OPCML: variants seen among roughly 807,000 people sequenced by gnomAD.
OPCML encodes opioid binding protein/cell adhesion molecule like, also known as opioid-binding protein/cell adhesion molecule.
In OPCML, 13 loss-of-function variants were observed where a neutral mutation model predicts 37.8. That is an observed-to-expected ratio of 0.34 (90% CI 0.22 to 0.55). The LOEUF is 0.55. OPCML is among the 20% of genes least tolerant of loss of function. The pLI is 0.91. For synonymous variants in OPCML, 176 were observed against 168.8 expected (o/e 1.04, Z -0.33); for missense variants, 341 against 435.6 (o/e 0.78, Z 1.93).
chr11:133,063,187 T>C (rs1037418756), intron 1 of OPCML, among the ~76,000 whole-genome samples: 1 of 152,226 alleles, frequency 6.6e-6, no homozygotes, highest in Non-Finnish European at 1.5e-5. Flanking sequence ...CTATAAGAGT[T>C]ACCCAGAGTG....
At chr11:132,524,912 G>A (rs1234818842) in intron 4 of OPCML, among the ~76,000 whole-genome samples, 1 of 152,142 alleles carries the variant, frequency 6.6e-6, no homozygotes, top group East Asian at 1.9e-4. Context: ...GAAAAGCAAA[G>A]TTACTTCAAA....
chr11:133,517,047 C>T (rs1198851744), intron 1 of OPCML, among the ~76,000 whole-genome samples: 1 of 152,108 alleles, frequency 6.6e-6, no homozygotes, highest in Non-Finnish European at 1.5e-5. Context: ...AGAGCCAAGC[C>T]ATTAGACGCA....
At chr11:133,119,286 T>C (rs1403449972) in intron 1 of OPCML, among the ~76,000 whole-genome samples, 1 of 152,098 alleles carries the variant, frequency 6.6e-6, no homozygotes, top group Non-Finnish European at 1.5e-5. Flanking sequence ...CTATATCACT[T>C]ATCTATGTAT....
chr11:133,368,202 A>C (rs115651507), intron 1 of OPCML, among the ~76,000 whole-genome samples: 1 of 146,864 alleles, frequency 6.8e-6, no homozygotes, highest in African/African-American at 2.5e-5. Flanking sequence ...AGGGAAAGGT[A>C]GAAGGAGGAA....
chr11:132,416,408 A>G lies in OPCML; in HGVS notation c.*3785T>C, dbSNP rs1246220032. The G allele has an allele frequency of 6.6e-6, 1 of 152,216 alleles. No individual in the cohort carries two copies. Among genetic ancestry groups the G allele is most frequent in the African/African-American group, 2.4e-5 (1 of 41,450 alleles). 9.4% of individuals were successfully genotyped at this position (152,216 alleles called of 1,614,324 possible). A position where few individuals can be genotyped will look rare whatever the true frequency, so the allele number is the denominator to read the frequency against. Reference sequence around the variant, plus strand: ...AGCCACTCCTGATGCCGCCACAGGGATAAGCTCTCGTCGGGGTTGCCTGCC... The same window carrying G: ...AGCCACTCCTGATGCCGCCACAGGGGTAAGCTCTCGTCGGGGTTGCCTGCC... On this transcript the variant is annotated 3_prime_UTR_variant, in exon 8 of 8. Coordinates refer to ENST00000524381, the MANE Select transcript of OPCML (RefSeq NM_001012393.5).
intron 2 of OPCML, among the ~76,000 whole-genome samples, chr11:132,913,963 G>T (rs1944517895): frequency 6.6e-6 from 1 of 152,162 alleles, no homozygotes; most frequent in Non-Finnish European, 1.5e-5. Flanking sequence ...TTTCTGTGTT[G>T]CTATTGGCAT....
chr11:133,007,811 G>T, intron 1 of OPCML: 1 of 985,392 alleles, frequency 1.0e-6, no homozygotes. Flanking sequence ...TCCTTGTGGC[G>T]GGATCACTCA....
intron 1 of OPCML, chr11:133,422,843 T>C: frequency 1.1e-6 from 1 of 927,738 alleles, no homozygotes; most frequent in Non-Finnish European, 1.3e-6. Flanking sequence ...ACCCAAATAA[T>C]TAAAATCCTG....
Position 133,458,574 on chromosome 11 carries a change from C to CT in OPCML, c.61+73689_61+73690insA, listed in dbSNP as rs1555161986. On this transcript the variant is annotated intron_variant, in intron 1 of 7. Transcript: ENST00000524381. ...GTGTGTGTGTATACACATATATACA[C>CT]GTGTGTGTACACATATATACACGTG... is the stretch of plus-strand genomic sequence containing the variant. Among the ~76,000 whole-genome samples the CT allele has an allele frequency of 2.5e-3, 218 of 85,818 alleles. 29 individuals carry two copies. Among genetic ancestry groups the CT allele is most frequent in the African/African-American group, 7.7e-3 (63 of 8,130 alleles). 56.3% of individuals were successfully genotyped at this position (85,818 alleles called of 152,430 possible).
Position 133,259,538 on chromosome 11 carries a change from T to C in OPCML, c.61+272726A>G, listed in dbSNP as rs998839846. Among the ~76,000 whole-genome samples, 3 of 152,312 alleles carry C rather than the reference T, an allele frequency of 2.0e-5. No individual in the cohort carries two copies. In the South Asian group the frequency reaches 6.2e-4, roughly 32 times the overall value. On this transcript the variant is annotated intron_variant, in intron 1 of 7. Coordinates refer to ENST00000524381, the MANE Select transcript of OPCML (RefSeq NM_001012393.5). ...TCAGTCCTGTCCTTGAAATCTGAGATGTAGAAACACAATGTGATGAAAATC... is the reference window on the plus strand; with the variant it reads ...TCAGTCCTGTCCTTGAAATCTGAGACGTAGAAACACAATGTGATGAAAATC...
chr11:132,453,784 G>T (rs1301279137), intron 4 of OPCML, among the ~76,000 whole-genome samples: 1 of 152,194 alleles, frequency 6.6e-6, no homozygotes, highest in Non-Finnish European at 1.5e-5. Context: ...ACTTCAGCAG[G>T]CAGAACTGGG....
chr11:133,091,292 A>C (rs914063961), intron 1 of OPCML, among the ~76,000 whole-genome samples: 2 of 152,216 alleles, frequency 1.3e-5, no homozygotes, highest in Non-Finnish European at 2.9e-5. Context: ...CTCAGGGCCC[A>C]GGCAGAAAAC....
chr11:133,077,385 GAAATCAAGAGTA>G (rs1948638997), intron 1 of OPCML, among the ~76,000 whole-genome samples: 1 of 152,072 alleles, frequency 6.6e-6, no homozygotes, highest in African/African-American at 2.4e-5. Flanking sequence ...AAAGCAATCT[GAAATCAAGAGTA>G]AAATAAAGCA....
At chr11:133,233,930 C>CA (rs1216708928) in intron 1 of OPCML, among the ~76,000 whole-genome samples, 2 of 152,190 alleles carry the variant, frequency 1.3e-5, no homozygotes, top group Non-Finnish European at 2.9e-5. Flanking sequence ...ACCAGCTCCC[C>CA]ACTGACAAGC....
At chr11:133,355,352 T>C (rs1944258748) in intron 1 of OPCML, among the ~76,000 whole-genome samples, 1 of 152,180 alleles carries the variant, frequency 6.6e-6, no homozygotes, top group African/African-American at 2.4e-5. Context: ...TCACAACATG[T>C]CCTGAGTCAT....
chr11:132,581,629 T>C (rs1219049663), intron 3 of OPCML, among the ~76,000 whole-genome samples: 2 of 152,196 alleles, frequency 1.3e-5, no homozygotes, highest in Non-Finnish European at 2.9e-5. Context: ...CTGTCCCACC[T>C]CCCTACATCT....
At chr11:132,830,835 T>C (rs1283653125) in intron 2 of OPCML, among the ~76,000 whole-genome samples, 1 of 152,228 alleles carries the variant, frequency 6.6e-6, no homozygotes. Context: ...AAATATGTTT[T>C]AATATAAAAC....
intron 2 of OPCML, among the ~76,000 whole-genome samples, chr11:132,896,504 T>C (rs1278151208): frequency 2.0e-5 from 3 of 152,246 alleles, no homozygotes; most frequent in Non-Finnish European, 4.4e-5. Flanking sequence ...TGGTACCTGG[T>C]ATGCACCTAC....
intron 2 of OPCML, among the ~76,000 whole-genome samples, chr11:132,792,976 T>A (rs929967628): frequency 1.3e-5 from 2 of 152,168 alleles, no homozygotes; most frequent in African/African-American, 4.8e-5. Context: ...TAGAGCGCCA[T>A]TTACATGAGG....
Sources: gnomAD v4.1 joint callset for allele counts (sites outside exome capture counted in the v4.1 genomes callset) on GRCh38, gnomAD v4.1.1 for gene constraint, MANE v1.5 for transcripts, NCBI Gene and HGNC (gene_info 2026-07-23, HGNC 2026-07-21) for gene names.